Variants in ADARB1 observed in about 807,000 individuals in gnomAD.
The protein encoded by ADARB1 is double-stranded RNA-specific editase 1.
In ADARB1, 10 loss-of-function variants were observed where a neutral mutation model predicts 52.4. The ratio of observed to expected loss-of-function variants is 0.19; its 90% CI spans 0.12 to 0.32. The LOEUF (loss-of-function observed/expected upper bound fraction) is 0.32. Among genes scored for constraint, ADARB1 ranks in the 10% least tolerant of loss-of-function variants. The pLI is 1.00. For missense variants in ADARB1, 643 were observed against 922.3 expected, an observed-to-expected ratio of 0.70 and a Z score of 3.92; for synonymous variants, 349 against 371.1, an observed-to-expected ratio of 0.94 and a Z score of 0.68.
intron 1 of ADARB1, among the ~76,000 whole-genome samples, chr21:45,075,766 T>C (rs754487758): frequency 9.2e-5 from 14 of 152,234 alleles, no homozygotes; most frequent in Non-Finnish European, 1.5e-4. Flanking sequence ...TGCACCGTGG[T>C]GTTTAGTTCC....
intron 1 of ADARB1, among the ~76,000 whole-genome samples, chr21:45,108,155 A>G (rs1451787857): frequency 6.6e-6 from 1 of 152,256 alleles, no homozygotes; most frequent in African/African-American, 2.4e-5. Flanking sequence ...TTTGTAGCAT[A>G]TCATAAATGT....
chr21:45,190,947 A>G (rs959728656), intron 8 of ADARB1, among the ~76,000 whole-genome samples: 1 of 152,142 alleles, frequency 6.6e-6, no homozygotes, highest in Non-Finnish European at 1.5e-5. Flanking sequence ...CATGCCAAAC[A>G]TCGTGAAATT....
intron 2 of ADARB1, among the ~76,000 whole-genome samples, chr21:45,144,001 T>C (rs1211604861): frequency 1.3e-5 from 2 of 152,228 alleles, no homozygotes; most frequent in Non-Finnish European, 2.9e-5. Context: ...GATGTTAACG[T>C]CTTTGTTCAC....
At chr21:45,126,372 GT>G (rs1378851011) in intron 1 of ADARB1, among the ~76,000 whole-genome samples, 1 of 152,116 alleles carries the variant, frequency 6.6e-6, no homozygotes, top group African/African-American at 2.4e-5. Flanking sequence ...CCACTGTTTT[GT>G]TTTTTCAGCC....
At chr21:45,127,840 T>C (rs2145827187) in intron 1 of ADARB1, among the ~76,000 whole-genome samples, 1 of 152,340 alleles carries the variant, frequency 6.6e-6, no homozygotes, top group East Asian at 1.9e-4. Flanking sequence ...TGAGGTTTTA[T>C]AATTATATTA....
In ADARB1 at chr21:45,208,797, C is replaced by G. The variant is rs370392660; in HGVS notation, c.1747+4061C>G. 6.6e-6 allele frequency among the ~76,000 whole-genome samples: 1 copy of G among 151,988 alleles called. No individual in the cohort carries two copies. The highest frequency in any genetic ancestry group is 2.4e-5 in the African/African-American group (1 of 41,384). On this transcript the variant is annotated intron_variant, in intron 9 of 10. Transcript: ENST00000348831. This position sits in a 1 kb window ranked among gnomAD's most constrained non-coding sequence, Gnocchi z 5.6. ...CACCGGGGTTGTGGGAAAGAGGTGT[C>G]AGTAATGTGAGTTTCCTCCTTGCCC...
intron 1 of ADARB1, among the ~76,000 whole-genome samples, chr21:45,106,858 G>A (rs2087281955): frequency 6.6e-6 from 1 of 152,184 alleles, no homozygotes; most frequent in Non-Finnish European, 1.5e-5. Flanking sequence ...TGGCAAGGCA[G>A]GAAGAGGCTG....
chr21:45,139,938 T>C (rs1446489713), intron 2 of ADARB1, among the ~76,000 whole-genome samples: 2 of 90,040 alleles, frequency 2.2e-5, no homozygotes, highest in African/African-American at 4.7e-5. Flanking sequence ...AAACTCTTTT[T>C]TTTTTTTTTT....
At chr21:45,156,444 C>CATCT (rs2090642291) in intron 2 of ADARB1, among the ~76,000 whole-genome samples, 1 of 146,294 alleles carries the variant, frequency 6.8e-6, no homozygotes, top group African/African-American at 2.5e-5. Flanking sequence ...TCCATTCGTC[C>CATCT]ATCCATCCAC....
rs1429545537 is a variant in ADARB1, at chr21:45,225,672, T to C, written c.*3475T>C. The C allele has an allele frequency of 2.1e-6, 2 of 939,920 alleles. No homozygotes were observed. The highest frequency in any genetic ancestry group is 2.9e-6 in the Non-Finnish European group (2 of 689,166). The allele number at this position is 939,920 out of a possible 1,614,324, so 58.2% of individuals were successfully genotyped here. On this transcript the variant is annotated 3_prime_UTR_variant, in exon 11 of 11. Coordinates refer to ENST00000348831, the MANE Select transcript of ADARB1 (RefSeq NM_001112.4). ...TCAAAACAAACACATGTACAGTGGC[T>C]CTTTTTCCTTCTCAAACACTTTACC...
chr21:45,103,987 AGTC>A (rs2087137353), intron 1 of ADARB1, among the ~76,000 whole-genome samples: 1 of 152,180 alleles, frequency 6.6e-6, no homozygotes, highest in African/African-American at 2.4e-5. Flanking sequence ...AAAACCGAGT[AGTC>A]AGGGCACACT....
At position 45,225,500 on chromosome 21, in the gene ADARB1, G is replaced by A. The variant is rs376631843; in HGVS notation, c.*3303G>A. 152 of 1,316,116 alleles carry A rather than the reference G, an allele frequency of 1.2e-4. No individual in the cohort carries two copies. The highest frequency in any genetic ancestry group is 1.4e-4 in the Non-Finnish European group (147 of 1,023,140). 81.5% of individuals were successfully genotyped at this position (1,316,116 alleles called of 1,614,324 possible). The stretch of plus-strand genomic sequence containing the variant: ...ATATTTATCTCCAGGCTGTGGAATC[G>A]CCACTTTCTTTGTGAAGACAGTGTC... On this transcript the variant is annotated 3_prime_UTR_variant, in exon 11 of 11. Transcript: ENST00000348831.
chr21:45,221,044 G>A lies in ADARB1; in HGVS notation c.1926+30G>A, dbSNP rs779150951. 1.5e-5 allele frequency: 23 copies of A among 1,576,852 alleles called. No homozygotes were observed. Among genetic ancestry groups the A allele is most frequent in the African/African-American group, 6.7e-5 (5 of 74,282 alleles). ...TGAGGCGCCCTCACCGCAATGCGCCGGCTCCACCTCCCCAATAGCTTGTCT... is the reference window on the plus strand; with the variant it reads ...TGAGGCGCCCTCACCGCAATGCGCCAGCTCCACCTCCCCAATAGCTTGTCT... On this transcript the variant is annotated intron_variant, in intron 10 of 10. Transcript: ENST00000348831. The surrounding 1 kb of genome is among the most constrained non-coding windows in gnomAD (Gnocchi z 4.9).
chr21:45,113,527 A>G lies in ADARB1; in HGVS notation c.-219-14875A>G, dbSNP rs371824333. Among the ~76,000 whole-genome samples the G allele has an allele frequency of 4.4e-3, 651 of 148,298 alleles. 5 individuals are homozygous for G. The highest frequency in any genetic ancestry group is 0.011 in the Admixed American group (169 of 15,010). On this transcript the variant is annotated intron_variant, in intron 1 of 10. Coordinates refer to ENST00000348831, the MANE Select transcript of ADARB1 (RefSeq NM_001112.4). The stretch of plus-strand genomic sequence containing the variant: ...TGTGTGTGTGTGTGTGTGTGTGTAT[A>G]TATATATATATGTTGACATGTGAGT...
intron 8 of ADARB1, among the ~76,000 whole-genome samples, chr21:45,194,767 AT>A (rs1001763911): frequency 4.6e-5 from 7 of 151,858 alleles, no homozygotes; most frequent in Middle Eastern, 3.4e-3. Flanking sequence ...TTGATAGCTC[AT>A]TTTTTTTAAG....
At position 45,128,789 on chromosome 21, in the gene ADARB1, T is replaced by A. The variant is rs2088753761; in HGVS notation, c.-48+216T>A. 6.6e-6 allele frequency among the ~76,000 whole-genome samples: 1 copy of A among 152,082 alleles called. No homozygotes were observed. Among genetic ancestry groups the A allele is most frequent in the Non-Finnish European group, 1.5e-5 (1 of 68,002 alleles). On this transcript the variant is annotated intron_variant, in intron 2 of 10. Coordinates refer to ENST00000348831, the MANE Select transcript of ADARB1 (RefSeq NM_001112.4). This position sits in a 1 kb window ranked among gnomAD's most constrained non-coding sequence, Gnocchi z 4.6. ...CTCCTGCTTGTTCTGGGGTGGTGCC[T>A]GCTGCCCTCCAGTGGCATGTGTGGC...
intron 1 of ADARB1, among the ~76,000 whole-genome samples, chr21:45,106,450 C>T (rs1264182840): frequency 6.6e-6 from 1 of 152,096 alleles, no homozygotes; most frequent in Non-Finnish European, 1.5e-5. Flanking sequence ...AGGCCAAATG[C>T]TGGGATGCCT....
At chr21:45,160,677 T>C (rs1421006216) in intron 2 of ADARB1, among the ~76,000 whole-genome samples, 1 of 152,278 alleles carries the variant, frequency 6.6e-6, no homozygotes, top group East Asian at 1.9e-4. Flanking sequence ...CATAACGTTA[T>C]GGATTTTATT....
At chr21:45,096,298 A>G (rs1001855701) in intron 1 of ADARB1, among the ~76,000 whole-genome samples, 30 of 152,132 alleles carry the variant, frequency 2.0e-4, no homozygotes, top group African/African-American at 6.5e-4. Flanking sequence ...TTCTGTCCAC[A>G]GGGAACAGAA....
Sources: gnomAD v4.1 joint callset for allele counts (sites outside exome capture counted in the v4.1 genomes callset) on GRCh38, gnomAD v4.1.1 for gene constraint, Gnocchi (gnomAD v3.1) non-coding constraint, MANE v1.5 for transcripts, NCBI Gene and HGNC (gene_info 2026-07-23, HGNC 2026-07-21) for gene names.